Variants in ATF7 observed in about 807,000 individuals in gnomAD.
ATF7 encodes activating transcription factor 7, also known as cyclic AMP-dependent transcription factor ATF-7.
A neutral mutation model predicts 50.4 loss-of-function variants in ATF7; 10 were observed. The ratio of observed to expected loss-of-function variants is 0.20; its 90% CI spans 0.12 to 0.34. The LOEUF (loss-of-function observed/expected upper bound fraction) is 0.34. ATF7 is among the 10% of genes least tolerant of loss of function. The probability of loss-of-function intolerance (pLI) is 1.00; values close to 1 mark genes in which losing one functional copy is unlikely to be tolerated. For synonymous variants in ATF7, 201 were observed against 226.4 expected (o/e 0.89, Z 1.01); for missense variants, 465 against 613.9 (o/e 0.76, Z 2.56).
At chr12:53,536,917 T>C (rs1939259256) in intron 5 of ATF7, among the ~76,000 whole-genome samples, 1 of 152,038 alleles carries the variant, frequency 6.6e-6, no homozygotes, top group South Asian at 2.1e-4. Flanking sequence ...AGAATACAAT[T>C]GCTATGAACA....
chr12:53,594,330 A>G (rs1176377978), intron 2 of ATF7, among the ~76,000 whole-genome samples: 2 of 152,248 alleles, frequency 1.3e-5, no homozygotes, highest in Non-Finnish European at 2.9e-5. Context: ...AAGGAAAACA[A>G]GAGGGAATAA....
At chr12:53,591,550 A>G (rs1259457579) in intron 2 of ATF7, among the ~76,000 whole-genome samples, 1 of 152,186 alleles carries the variant, frequency 6.6e-6, no homozygotes, top group Non-Finnish European at 1.5e-5. Flanking sequence ...TACGAGTATC[A>G]CCCTGATGCC....
rs1026398210 is a variant in ATF7 at position 53,524,858 on chromosome 12, G to T, written c.928-97C>A. 5.3e-6 allele frequency: 6 copies of T among 1,133,514 alleles called. No homozygotes were observed. The highest frequency in any genetic ancestry group is 7.3e-6 in the Non-Finnish European group (6 of 824,858). 70.2% of individuals were successfully genotyped at this position (1,133,514 alleles called of 1,614,324 possible). ...GTAGAGTAGTAAGATCTGGTAAAAGGATATACCAGCCTCTGGTAACCACAG... is the reference window on the plus strand; with the variant it reads ...GTAGAGTAGTAAGATCTGGTAAAAGTATATACCAGCCTCTGGTAACCACAG... On this transcript the variant is annotated intron_variant, in intron 9 of 11. Transcript: ENST00000420353. This position sits in a 1 kb window ranked among gnomAD's most constrained non-coding sequence, Gnocchi z 4.6.
intron 1 of ATF7, among the ~76,000 whole-genome samples, chr12:53,622,552 C>T (rs1326587635): frequency 6.7e-6 from 1 of 149,228 alleles, no homozygotes; most frequent in Non-Finnish European, 1.5e-5. Flanking sequence ...ACCTGGGAGG[C>T]GGGGCTTGCA....
intron 1 of ATF7, among the ~76,000 whole-genome samples, chr12:53,619,768 C>T (rs1310154552): frequency 2.0e-5 from 3 of 151,328 alleles, no homozygotes; most frequent in African/African-American, 7.3e-5. Flanking sequence ...GCCAAGATGG[C>T]GCCATTGCAC....
intron 4 of ATF7, among the ~76,000 whole-genome samples, chr12:53,539,821 C>T (rs1939434154): frequency 2.6e-5 from 4 of 152,142 alleles, no homozygotes; most frequent in African/African-American, 9.7e-5. Flanking sequence ...GTTATCTCAG[C>T]ACTTTGGGAA....
intron 6 of ATF7, 132 bp downstream of exon 6, chr12:53,534,370 A>G (rs1939096499): frequency 8.8e-6 from 12 of 1,361,990 alleles, no homozygotes; most frequent in Non-Finnish European, 1.3e-5. Flanking sequence ...TGGGGGAAAA[A>G]TTTATTTTGA....
rs1348256527 is a variant in ATF7, at chr12:53,537,532, G to A, written c.285C>T (p.Asp95=). ...DEKKAAAGPL[D]MSLPSTPDIK... ...TGTCTGGTGTGGAAGGCAGAGACAT[G>A]TCAAGGGGCCCAGCAGCAGCCTGTT... The change falls in exon 5 of 12, where the codon GAC becomes GAT. Residue 95 remains aspartate, a synonymous_variant. Coordinates refer to ENST00000420353, the MANE Select transcript of ATF7 (RefSeq NM_006856.3). The A allele has an allele frequency of 3.7e-6, 6 of 1,613,422 alleles. No homozygotes were observed. Among genetic ancestry groups the A allele is most frequent in the East Asian group, 2.2e-5 (1 of 44,898 alleles).
At position 53,534,656 on chromosome 12, in the gene ATF7, C is replaced by A. The variant is rs1360548051; in HGVS notation, c.406G>T (p.Val136Phe). 4 of 1,609,782 alleles carry A rather than the reference C, an allele frequency of 2.5e-6. No homozygotes were observed. Among genetic ancestry groups the A allele is most frequent in the Non-Finnish European group, 2.5e-6 (3 of 1,178,818 alleles). Residue 136 changes from valine (V) to phenylalanine (F), a missense_variant, in exon 6 of 12, where the codon GTT (valine) becomes TTT (phenylalanine). Coordinates refer to ENST00000420353, the MANE Select transcript of ATF7 (RefSeq NM_006856.3). Reference sequence around the variant, plus strand: ...GAGATCAGAACAGGCTTTGGGGTAACCTCCTGGAGAAAAGAAACCAACAGA... The same window carrying A: ...GAGATCAGAACAGGCTTTGGGGTAAACTCCTGGAGAAAAGAAACCAACAGA... Reference protein sequence around the residue: ...PCSPPLKEKEVTPKPVLISTP... With the variant: ...PCSPPLKEKEFTPKPVLISTP...
In ATF7 at chr12:53,625,147, T is replaced by C. The variant is rs150565074; in HGVS notation, c.-22+1132A>G. 7.2e-3 allele frequency among the ~76,000 whole-genome samples: 1,103 copies of C among 152,290 alleles called. 6 individuals are homozygous for C. Among genetic ancestry groups the C allele is most frequent in the Non-Finnish European group, 0.012 (795 of 68,022 alleles). ...GCGGGAATCTGGGTAGGAGGTGCCCTGGGTTGTAAACACCCCAGTCAGAGA... is the reference window on the plus strand; with the variant it reads ...GCGGGAATCTGGGTAGGAGGTGCCCCGGGTTGTAAACACCCCAGTCAGAGA... On this transcript the variant is annotated intron_variant, in intron 1 of 11. Coordinates refer to ENST00000420353, the MANE Select transcript of ATF7 (RefSeq NM_006856.3).
rs142876288 is a variant in ATF7 at position 53,527,260 on chromosome 12, G to A, written c.928-2499C>T. The stretch of plus-strand genomic sequence containing the variant: ...GCACTTTGGGAGGCCGAGGTTGGGA[G>A]GATCACTGGAGCCCAGGAGTTAGAG... On this transcript the variant is annotated intron_variant, in intron 9 of 11. Coordinates refer to ENST00000420353, the MANE Select transcript of ATF7 (RefSeq NM_006856.3). 3.1e-4 allele frequency among the ~76,000 whole-genome samples: 47 copies of A among 152,178 alleles called. 1 individual carries two copies. The highest frequency in any genetic ancestry group is 1.1e-3 in the African/African-American group (46 of 41,506).
chr12:53,619,790 A>G (rs986326238), intron 1 of ATF7, among the ~76,000 whole-genome samples: 4 of 151,806 alleles, frequency 2.6e-5, no homozygotes, highest in Admixed American at 6.6e-5. Flanking sequence ...CCAGCCTGGG[A>G]GACAGAGGGA....
At chr12:53,530,895 C>CTGTAATAGGG (rs1330761970) in intron 9 of ATF7, among the ~76,000 whole-genome samples, 1 of 152,184 alleles carries the variant, frequency 6.6e-6, no homozygotes, top group African/African-American at 2.4e-5. Context: ...AGGCGTGAGC[C>CTGTAATAGGG]ACCTCACCCA....
At chr12:53,562,007 A>G (rs769279995) in intron 2 of ATF7, among the ~76,000 whole-genome samples, 1 of 152,234 alleles carries the variant, frequency 6.6e-6, no homozygotes, top group Non-Finnish European at 1.5e-5. Flanking sequence ...ACCAAACTGT[A>G]CCTAAGGTAA....
intron 11 of ATF7, among the ~76,000 whole-genome samples, chr12:53,519,303 C>T (rs1258563391): frequency 6.6e-6 from 1 of 152,110 alleles, no homozygotes; most frequent in Non-Finnish European, 1.5e-5. Flanking sequence ...GTTTATATGA[C>T]CCTATGATTC....
chr12:53,539,642 T>C (rs1468196475), intron 4 of ATF7, among the ~76,000 whole-genome samples: 1 of 151,898 alleles, frequency 6.6e-6, no homozygotes, highest in Non-Finnish European at 1.5e-5. Flanking sequence ...TGAGCCAAGA[T>C]TCTACCAATG....
intron 2 of ATF7, among the ~76,000 whole-genome samples, chr12:53,553,705 C>T (rs975460359): frequency 6.6e-6 from 1 of 152,166 alleles, no homozygotes; most frequent in Non-Finnish European, 1.5e-5. Flanking sequence ...TGCAGTTTTC[C>T]ACAGCTCCTT....
downstream of ATF7, among the ~76,000 whole-genome samples, chr12:53,511,481 C>T (rs1437224587): frequency 6.6e-6 from 1 of 152,154 alleles, no homozygotes; most frequent in Non-Finnish European, 1.5e-5. Context: ...AACTCCTGAC[C>T]TCAGGTGATC....
At chr12:53,542,320 G>A (rs543036592) in intron 4 of ATF7, among the ~76,000 whole-genome samples, 4 of 151,740 alleles carry the variant, frequency 2.6e-5, no homozygotes, top group Admixed American at 2.0e-4. Context: ...CCAGCTACTC[G>A]GAAAGCTGAG....
Sources: allele counts gnomAD v4.1 joint callset (sites outside exome capture counted in the v4.1 genomes callset), GRCh38; gene constraint gnomAD v4.1.1; non-coding constraint Gnocchi (gnomAD v3.1); transcripts MANE v1.5; gene names NCBI Gene and HGNC (gene_info 2026-07-23, HGNC 2026-07-21).